KBTBD12: variants seen among roughly 807,000 people sequenced by gnomAD.
KBTBD12 encodes kelch repeat and BTB domain containing 12.
A neutral mutation model predicts 58.7 loss-of-function variants in KBTBD12; 53 were observed. The observed-to-expected ratio is 0.90, with a 90% CI of 0.72 to 1.14. The LOEUF is 1.14. Ranked by LOEUF, KBTBD12 falls within the 50% of genes most tolerant of loss-of-function variation. The probability of loss-of-function intolerance (pLI) is 0.00; values close to 1 mark genes in which losing one functional copy is unlikely to be tolerated. For synonymous variants in KBTBD12, 236 were observed against 259.8 expected, an observed-to-expected ratio of 0.91 and a Z score of 0.88; for missense variants, 704 against 751.3, an observed-to-expected ratio of 0.94 and a Z score of 0.74.
intron 4 of KBTBD12, among the ~76,000 whole-genome samples, chr3:127,955,013 C>T (rs1301270249): frequency 6.6e-6 from 1 of 152,214 alleles, no homozygotes; most frequent in East Asian, 1.9e-4. Context: ...TTGTTTTACT[C>T]ATCTCTGTGT....
intron 5 of KBTBD12, among the ~76,000 whole-genome samples, chr3:127,969,527 A>G (rs1006181380): frequency 6.6e-6 from 1 of 152,250 alleles, no homozygotes; most frequent in African/African-American, 2.4e-5. Context: ...TTGTAAAAGA[A>G]CAAAGATGAA....
In KBTBD12 at chr3:127,984,241, C is replaced by T. The variant is rs552334735; in HGVS notation, c.1835C>T (p.Pro612Leu). 21 of 1,613,936 alleles carry T rather than the reference C, an allele frequency of 1.3e-5. No individual in the cohort carries two copies. The highest frequency in any genetic ancestry group is 6.7e-5 in the Admixed American group (4 of 60,012). Residue 612 changes from proline to leucine, a missense_variant, in exon 6 of 6, where the codon CCG becomes CTG. By Grantham distance (98) the Pro-to-Leu change is moderately conservative. Coordinates refer to ENST00000405109, the MANE Select transcript of KBTBD12 (RefSeq NM_207335.4). ...ARMNPRDLIP[P>L]PSDLVEEGNE... ...ATGAATCCCCGAGACCTCATCCCCCCGCCTTCAGATTTGGTGGAAGAAGGC... is the reference window on the plus strand; with the variant it reads ...ATGAATCCCCGAGACCTCATCCCCCTGCCTTCAGATTTGGTGGAAGAAGGC...
At position 127,923,586 on chromosome 3, in the gene KBTBD12, C is replaced by A; in HGVS notation, c.525C>A (p.His175Gln). The A allele has an allele frequency of 6.2e-7, 1 of 1,613,480 alleles. No individual in the cohort carries two copies. Among genetic ancestry groups the A allele is most frequent in the South Asian group, 1.1e-5 (1 of 91,026 alleles). ...AAGAAATACTAGAAATCGAAGTGCA[C>A]CAATTTTTGACACTTATTAAATCAG... is the stretch of plus-strand genomic sequence containing the variant. ...LHEEILEIEV[H>Q]QFLTLIKSDD... Residue 175 changes from histidine to glutamine, a missense_variant, in exon 2 of 6, where the codon CAC (histidine) becomes CAA (glutamine). By Grantham distance (24) the His-to-Gln change is conservative. Transcript: ENST00000405109.
intron 4 of KBTBD12, among the ~76,000 whole-genome samples, chr3:127,931,728 A>T (rs1223777514): frequency 6.6e-6 from 1 of 152,182 alleles, no homozygotes; most frequent in Admixed American, 6.6e-5. Flanking sequence ...AAGGAGGTAG[A>T]TTTAAAAGAA....
intron 5 of KBTBD12, among the ~76,000 whole-genome samples, chr3:127,981,044 G>A (rs1318089326): frequency 6.6e-6 from 1 of 151,976 alleles, no homozygotes; most frequent in Non-Finnish European, 1.5e-5. Flanking sequence ...CTTTACTGGA[G>A]TACTTTAAAG....
At chr3:127,960,553 T>A (rs757235118) in intron 4 of KBTBD12, among the ~76,000 whole-genome samples, 62 of 152,226 alleles carry the variant, frequency 4.1e-4, no homozygotes, top group Non-Finnish European at 6.8e-4. Flanking sequence ...ACACCTCTCA[T>A]CAAAAGATTT....
intron 4 of KBTBD12, among the ~76,000 whole-genome samples, chr3:127,940,637 A>G (rs1340297790): frequency 1.3e-5 from 2 of 152,122 alleles, no homozygotes; most frequent in South Asian, 2.1e-4. Context: ...TCTCACATCT[A>G]TAGTCTAAGC....
intron 5 of KBTBD12, among the ~76,000 whole-genome samples, chr3:127,963,905 CTT>C (rs1940506551): frequency 6.6e-6 from 1 of 152,174 alleles, no homozygotes; most frequent in Non-Finnish European, 1.5e-5. Flanking sequence ...AGAAAACTCT[CTT>C]ATTCCTACCC....
intron 4 of KBTBD12, among the ~76,000 whole-genome samples, chr3:127,930,807 TACTAACCATAACTAACAA>T (rs1250854718): frequency 1.3e-5 from 2 of 152,184 alleles, no homozygotes; most frequent in Non-Finnish European, 2.9e-5. Flanking sequence ...TATGGTCTTG[TACTAACCATAACTAACAA>T]GAATTGGTAA....
chr3:127,939,053 C>T (rs536509342), intron 4 of KBTBD12, among the ~76,000 whole-genome samples: 99 of 152,254 alleles, frequency 6.5e-4, no homozygotes, highest in African/African-American at 2.0e-3. Context: ...TGTCTGGCTC[C>T]GGCATGAGTT....
chr3:127,977,648 G>A (rs564295579), intron 5 of KBTBD12, among the ~76,000 whole-genome samples: 7 of 152,076 alleles, frequency 4.6e-5, no homozygotes, highest in East Asian at 1.9e-4. Flanking sequence ...GTGTCTGTTC[G>A]TGTCCTTTGC....
intron 4 of KBTBD12, among the ~76,000 whole-genome samples, chr3:127,958,631 G>T (rs561114677): frequency 3.3e-5 from 5 of 152,284 alleles, no homozygotes; most frequent in African/African-American, 1.2e-4. Flanking sequence ...CCAGCTATAT[G>T]TCCACTCGGA....
chr3:127,981,437 T>C (rs1940869452), intron 5 of KBTBD12, among the ~76,000 whole-genome samples: 1 of 152,250 alleles, frequency 6.6e-6, no homozygotes, highest in South Asian at 2.1e-4. Context: ...TAACAGATTC[T>C]GACATAAATA....
chr3:127,962,837 G>C (rs969014664), intron 4 of KBTBD12, among the ~76,000 whole-genome samples: 1 of 152,218 alleles, frequency 6.6e-6, no homozygotes, highest in Non-Finnish European at 1.5e-5. Context: ...CAGCAAGGCA[G>C]ATGTCAAAGT....
chr3:127,926,750 T>A (rs1939576562), intron 2 of KBTBD12, among the ~76,000 whole-genome samples: 1 of 152,114 alleles, frequency 6.6e-6, no homozygotes, highest in Non-Finnish European at 1.5e-5. Flanking sequence ...CACACATAAG[T>A]TCCTAATTTG....
chr3:127,972,787 T>C (rs1022580740), intron 5 of KBTBD12, among the ~76,000 whole-genome samples: 1 of 152,204 alleles, frequency 6.6e-6, no homozygotes, highest in African/African-American at 2.4e-5. Flanking sequence ...TTCAAAATAA[T>C]TCAAACATCA....
chr3:127,977,457 G>T (rs768436721), intron 5 of KBTBD12, among the ~76,000 whole-genome samples: 2 of 152,196 alleles, frequency 1.3e-5, no homozygotes, highest in African/African-American at 2.4e-5. Context: ...CACCAGCAGC[G>T]TATAAGCATT....
In KBTBD12 at chr3:127,927,852, C is replaced by T. The variant is rs534426748; in HGVS notation, c.1159C>T (p.Leu387Phe). 1 of 1,612,644 alleles carries T rather than the reference C, an allele frequency of 6.2e-7. No homozygotes were observed. The highest frequency in any genetic ancestry group is 8.5e-7 in the Non-Finnish European group (1 of 1,179,028). ...TGCTCTGGGCAGTATTCATAATGAC[C>T]TTTATGTTATAGGAGGACAGATGAA... ...LYALGSIHND[L>F]YVIGGQMKIK... The change falls in exon 3 of 6, where the codon CTT becomes TTT. Residue 387 changes from leucine to phenylalanine, a missense_variant. Transcript: ENST00000405109.
At chr3:127,950,760 G>A (rs1045081287) in intron 4 of KBTBD12, among the ~76,000 whole-genome samples, 3 of 152,116 alleles carry the variant, frequency 2.0e-5, no homozygotes, top group Non-Finnish European at 2.9e-5. Context: ...GGCCGGGCAC[G>A]GTGACTCAAT....
Sources: allele counts gnomAD v4.1 joint callset (sites outside exome capture counted in the v4.1 genomes callset), GRCh38; gene constraint gnomAD v4.1.1; transcripts MANE v1.5; gene names NCBI Gene and HGNC (gene_info 2026-07-23, HGNC 2026-07-21).